The following SLC1A3 variants were observed in gnomAD, a reference collection of about 807,000 sequenced individuals.
SLC1A3 encodes excitatory amino acid transporter 1.
A neutral mutation model predicts 48.1 loss-of-function variants in SLC1A3; 21 were observed. The observed-to-expected ratio is 0.44, with a 90% CI of 0.31 to 0.63. The LOEUF (loss-of-function observed/expected upper bound fraction) is 0.63, where lower values mean the gene tolerates loss of function less well. Among genes scored for constraint, SLC1A3 ranks in the 20% least tolerant of loss-of-function variants. The pLI, the probability that SLC1A3 is intolerant of heterozygous loss-of-function variation, is 0.08. For synonymous variants in SLC1A3, 239 were observed against 251.4 expected (o/e 0.95, Z 0.47); for missense variants, 546 against 689.0 (o/e 0.79, Z 2.32).
At chr5:36,635,304 G>A (rs1323677036) in intron 3 of SLC1A3, among the ~76,000 whole-genome samples, 1 of 152,212 alleles carries the variant, frequency 6.6e-6, no homozygotes, top group Non-Finnish European at 1.5e-5. Context: ...GGCACATAGT[G>A]TGTGCTCAAT....
At chr5:36,652,277 A>G (rs1307552916) in intron 3 of SLC1A3, among the ~76,000 whole-genome samples, 1 of 152,034 alleles carries the variant, frequency 6.6e-6, no homozygotes, top group East Asian at 1.9e-4. Context: ...GTGAGGAAAG[A>G]TTTATTTTGG....
At chr5:36,615,366 G>GTGTTTTGCTTTGTTTTATTT (rs1291532175) in intron 2 of SLC1A3, among the ~76,000 whole-genome samples, 1 of 152,114 alleles carries the variant, frequency 6.6e-6, no homozygotes, top group Non-Finnish European at 1.5e-5. Flanking sequence ...ATAAACAGAG[G>GTGTTTTGCTTTGTTTTATTT]TGTTTTGCTT....
intron 2 of SLC1A3, among the ~76,000 whole-genome samples, chr5:36,625,596 A>C (rs1457557876): frequency 6.6e-6 from 1 of 152,190 alleles, no homozygotes; most frequent in Admixed American, 6.5e-5. Context: ...CTTTTTCAAG[A>C]GTAGAAATAG....
intron 2 of SLC1A3, among the ~76,000 whole-genome samples, chr5:36,609,878 G>T (rs540750684): frequency 6.6e-6 from 1 of 152,250 alleles, no homozygotes; most frequent in Non-Finnish European, 1.5e-5. Context: ...AATACAGTCT[G>T]CTTGCCTCAT....
intron 2 of SLC1A3, among the ~76,000 whole-genome samples, chr5:36,611,280 T>TAAA (rs11336594): frequency 2.0e-4 from 27 of 132,488 alleles, no homozygotes; most frequent in African/African-American, 6.7e-4. Context: ...TTGCTTTTAG[T>TAAA]AAAAAAAAAA....
intron 2 of SLC1A3, among the ~76,000 whole-genome samples, chr5:36,623,779 G>A (rs373354166): frequency 8.0e-4 from 120 of 150,828 alleles, no homozygotes; most frequent in Middle Eastern, 6.9e-3. Context: ...CAGGAGAATC[G>A]CTTGAACCCA....
intron 2 of SLC1A3, among the ~76,000 whole-genome samples, chr5:36,618,731 A>G (rs564339211): frequency 1.3e-5 from 2 of 152,344 alleles, no homozygotes; most frequent in Non-Finnish European, 1.5e-5. Context: ...CACCAGGGGA[A>G]CTTGGGAAAT....
At chr5:36,624,204 C>T (rs1245893997) in intron 2 of SLC1A3, among the ~76,000 whole-genome samples, 1 of 152,166 alleles carries the variant, frequency 6.6e-6, no homozygotes, top group Non-Finnish European at 1.5e-5. Flanking sequence ...CTGTTGACTT[C>T]GTTAAGTAAA....
intron 5 of SLC1A3, among the ~76,000 whole-genome samples, chr5:36,675,391 C>A (rs964251855): frequency 6.6e-6 from 1 of 152,104 alleles, no homozygotes; most frequent in African/African-American, 2.4e-5. Flanking sequence ...GTCAGCTGGC[C>A]CTGTGTGATA....
chr5:36,608,025 G>C lies in SLC1A3; in HGVS notation c.-95-304G>C, dbSNP rs147088440. Reference sequence around the variant, plus strand: ...GTGCAAGGCATCAGCTGGGTTCTGCGGGGGAGGGTGGGAATAGGGGTTCTC... The same window carrying C: ...GTGCAAGGCATCAGCTGGGTTCTGCCGGGGAGGGTGGGAATAGGGGTTCTC... On this transcript the variant is annotated intron_variant, in intron 1 of 9. Coordinates refer to ENST00000265113, the MANE Select transcript of SLC1A3 (RefSeq NM_004172.5). 4.0e-3 allele frequency among the ~76,000 whole-genome samples: 615 copies of C among 152,276 alleles called. 15 individuals are homozygous for C. The East Asian group carries it at 0.054, about 13-fold the overall frequency.
At chr5:36,612,480 G>C (rs762330105) in intron 2 of SLC1A3, among the ~76,000 whole-genome samples, 3 of 152,088 alleles carry the variant, frequency 2.0e-5, no homozygotes, top group South Asian at 2.1e-4. Context: ...AGCTACTTGG[G>C]GGGGCTGAAG....
At chr5:36,642,677 C>T (rs963598900) in intron 3 of SLC1A3, among the ~76,000 whole-genome samples, 1 of 152,066 alleles carries the variant, frequency 6.6e-6, no homozygotes, top group Non-Finnish European at 1.5e-5. Context: ...TTTTATCACC[C>T]CAGAAATAAA....
intron 2 of SLC1A3, chr5:36,613,069 G>C: frequency 3.0e-6 from 1 of 329,488 alleles, no homozygotes; most frequent in East Asian, 8.4e-5. Flanking sequence ...GGATACAGGA[G>C]AAAGACTGGG....
chr5:36,621,396 G>C (rs1028166709), intron 2 of SLC1A3, among the ~76,000 whole-genome samples: 1 of 152,128 alleles, frequency 6.6e-6, no homozygotes, highest in African/African-American at 2.4e-5. Flanking sequence ...GTGGATCTAG[G>C]GGGGCTTGCC....
At chr5:36,645,634 C>T (rs1740812181) in intron 3 of SLC1A3, among the ~76,000 whole-genome samples, 1 of 152,048 alleles carries the variant, frequency 6.6e-6, no homozygotes, top group South Asian at 2.1e-4. Flanking sequence ...CCTCCATTGC[C>T]TTTTGACCAT....
chr5:36,629,554 G>A lies in SLC1A3; in HGVS notation c.286G>A (p.Val96Ile). 1 of 1,612,846 alleles carries A rather than the reference G, an allele frequency of 6.2e-7. No individual in the cohort carries two copies. Among genetic ancestry groups the A allele is most frequent in the Non-Finnish European group, 8.5e-7 (1 of 1,179,426 alleles). The part of the protein sequence containing the change: ...ELLMRMLQML[V>I]LPLIISSLVT... ...TCTGATGAGGATGTTACAGATGCTG[G>A]TCTTACCACTTATCATCTCCAGTCT... The change falls in exon 3 of 10, where the codon GTC (valine) becomes ATC (isoleucine). Residue 96 changes from valine to isoleucine, a missense_variant. Around this residue, in one of 3 missense-constraint regions of SLC1A3, gnomAD observed 348 missense variants for 392.0 expected, o/e 0.89. Transcript: ENST00000265113.
At chr5:36,613,699 A>C (rs1316322070) in intron 2 of SLC1A3, among the ~76,000 whole-genome samples, 2 of 152,018 alleles carry the variant, frequency 1.3e-5, no homozygotes, top group East Asian at 3.9e-4. Flanking sequence ...AGCTTCAAGA[A>C]GCTGGGGGTA....
intron 3 of SLC1A3, among the ~76,000 whole-genome samples, chr5:36,636,723 G>C (rs191405112): frequency 1.3e-5 from 2 of 151,562 alleles, no homozygotes; most frequent in Admixed American, 1.3e-4. Flanking sequence ...GAGGAACATG[G>C]CCTCACAAAT....
chr5:36,603,815 G>A (rs1579933121), upstream of SLC1A3, among the ~76,000 whole-genome samples: 1 of 152,170 alleles, frequency 6.6e-6, no homozygotes, highest in East Asian at 1.9e-4. Context: ...TAAAATGCAA[G>A]CTATTTAAAC....
Sources: allele counts gnomAD v4.1 joint callset (sites outside exome capture counted in the v4.1 genomes callset), GRCh38; gene constraint gnomAD v4.1.1; regional missense constraint gnomAD v4.1.1; transcripts MANE v1.5; gene names NCBI Gene and HGNC (gene_info 2026-07-23, HGNC 2026-07-21).